EXOC4: variants seen among roughly 807,000 people sequenced by gnomAD.
The protein encoded by EXOC4 is SEC8-like 1.
In EXOC4, 71 loss-of-function variants were observed where a neutral mutation model predicts 107.2. The observed-to-expected ratio is 0.66, with a 90% CI of 0.55 to 0.81. EXOC4 has a LOEUF of 0.81. Ranked by LOEUF, EXOC4 falls within the 30% of genes least tolerant of loss-of-function variation. EXOC4 has a pLI of 0.00. For synonymous variants in EXOC4, 456 were observed against 441.2 expected, an observed-to-expected ratio of 1.03 and a Z score of -0.42; for missense variants, 1,108 against 1,189.6, an observed-to-expected ratio of 0.93 and a Z score of 1.01.
intron 12 of EXOC4, among the ~76,000 whole-genome samples, chr7:133,899,967 G>A (rs1334085088): frequency 4.6e-5 from 7 of 151,934 alleles, no homozygotes; most frequent in South Asian, 4.2e-4. Flanking sequence ...GGCTGGTCTC[G>A]ATCGAATTCC....
At chr7:134,058,461 G>A (rs1181654153) in intron 17 of EXOC4, among the ~76,000 whole-genome samples, 1 of 152,132 alleles carries the variant, frequency 6.6e-6, no homozygotes, top group Non-Finnish European at 1.5e-5. Context: ...GGGGCAAAAA[G>A]GGAAGAAATA....
Position 133,394,730 on chromosome 7 carries a change from A to G in EXOC4, c.1182+19728A>G, listed in dbSNP as rs556412419. 2.0e-5 allele frequency among the ~76,000 whole-genome samples: 3 copies of G among 152,316 alleles called. No individual in the cohort carries two copies. In the South Asian group the frequency reaches 6.2e-4, roughly 32 times the overall value. On this transcript the variant is annotated intron_variant, in intron 7 of 17. Coordinates refer to ENST00000253861, the MANE Select transcript of EXOC4 (RefSeq NM_021807.4). ...TCATATTAATTTTCAGCTTCATTAG[A>G]GATGCAAGAATCAAAAGAGATGTTT...
At chr7:133,857,432 A>G (rs2116319410) in intron 11 of EXOC4, among the ~76,000 whole-genome samples, 1 of 129,660 alleles carries the variant, frequency 7.7e-6, no homozygotes, top group Non-Finnish European at 1.6e-5. Context: ...GTGTCACTTC[A>G]CCAGCCAGAA....
chr7:133,863,468 A>G (rs1431367891), intron 11 of EXOC4, among the ~76,000 whole-genome samples: 1 of 152,202 alleles, frequency 6.6e-6, no homozygotes, highest in African/African-American at 2.4e-5. Flanking sequence ...GTGGTATTTC[A>G]TTATATAAAG....
intron 7 of EXOC4, among the ~76,000 whole-genome samples, chr7:133,390,717 G>A (rs565721763): frequency 4.6e-5 from 7 of 152,270 alleles, no homozygotes; most frequent in African/African-American, 1.7e-4. Context: ...CAGAGAATGT[G>A]GTTAATGGGA....
intron 7 of EXOC4, among the ~76,000 whole-genome samples, chr7:133,462,279 C>T (rs1225937138): frequency 6.6e-6 from 1 of 152,132 alleles, no homozygotes; most frequent in Non-Finnish European, 1.5e-5. Flanking sequence ...TTCCCTGTAA[C>T]CTCAACTTGA....
At chr7:133,309,935 A>G (rs1446265298) in intron 4 of EXOC4, among the ~76,000 whole-genome samples, 1 of 152,172 alleles carries the variant, frequency 6.6e-6, no homozygotes, top group Non-Finnish European at 1.5e-5. Context: ...ACAAGACTCC[A>G]TCTCAAAAAA....
At chr7:133,973,459 G>A (rs1212632967) in intron 14 of EXOC4, among the ~76,000 whole-genome samples, 2 of 152,148 alleles carry the variant, frequency 1.3e-5, no homozygotes, top group Non-Finnish European at 2.9e-5. Context: ...AGGCTATGAA[G>A]TGGAAGAAAA....
chr7:134,047,485 T>C (rs1029543475), intron 17 of EXOC4, among the ~76,000 whole-genome samples: 2 of 152,204 alleles, frequency 1.3e-5, no homozygotes, highest in East Asian at 1.9e-4. Context: ...TGGTTAATTT[T>C]ATCCTATTGT....
intron 7 of EXOC4, 33 bp from the exon 8 acceptor site, chr7:133,475,295 T>C: frequency 1.9e-6 from 3 of 1,547,188 alleles, no homozygotes; most frequent in Non-Finnish European, 2.6e-6. Flanking sequence ...AAAATGTGTA[T>C]ATTAACATTA....
At chr7:133,662,357 G>A (rs1373221146) in intron 10 of EXOC4, among the ~76,000 whole-genome samples, 1 of 152,114 alleles carries the variant, frequency 6.6e-6, no homozygotes, top group Non-Finnish European at 1.5e-5. Context: ...AACCATGCAA[G>A]GGTATTATTT....
intron 12 of EXOC4, among the ~76,000 whole-genome samples, chr7:133,899,745 C>CTTTTTTTT (rs35095963): frequency 4.6e-5 from 4 of 86,232 alleles, no homozygotes; most frequent in Non-Finnish European, 6.2e-5. Flanking sequence ...CAGATGTACT[C>CTTTTTTTT]TTTTTTTTTT....
At chr7:133,995,220 A>G (rs1233413982) in intron 14 of EXOC4, among the ~76,000 whole-genome samples, 1 of 152,208 alleles carries the variant, frequency 6.6e-6, no homozygotes, top group Non-Finnish European at 1.5e-5. Context: ...TTGCCACATG[A>G]TAAAATAATG....
chr7:133,826,763 A>G (rs1243265846), intron 11 of EXOC4, among the ~76,000 whole-genome samples: 3 of 152,178 alleles, frequency 2.0e-5, no homozygotes, highest in Admixed American at 6.5e-5. Context: ...TTCATATATG[A>G]TTAGACAACC....
chr7:133,302,979 A>G (rs1443156025), intron 3 of EXOC4, among the ~76,000 whole-genome samples: 12 of 152,238 alleles, frequency 7.9e-5, no homozygotes, highest in Admixed American at 7.9e-4. Context: ...CGATTATTTT[A>G]TTATTTCTAG....
intron 10 of EXOC4, among the ~76,000 whole-genome samples, chr7:133,655,962 T>G (rs969981143): frequency 6.6e-6 from 1 of 152,182 alleles, no homozygotes; most frequent in African/African-American, 2.4e-5. Flanking sequence ...GTAGGTTTGT[T>G]GACAGCAGCA....
chr7:133,560,558 A>G (rs1403366334), intron 9 of EXOC4, among the ~76,000 whole-genome samples: 1 of 152,206 alleles, frequency 6.6e-6, no homozygotes, highest in African/African-American at 2.4e-5. Flanking sequence ...TGATGGGATT[A>G]TAGGCGTGAG....
chr7:133,737,284 G>A (rs765300333), intron 10 of EXOC4, among the ~76,000 whole-genome samples: 25 of 152,108 alleles, frequency 1.6e-4, no homozygotes, highest in Non-Finnish European at 2.9e-4. Flanking sequence ...TGAAATTCTA[G>A]GCACTTGGTA....
intron 3 of EXOC4, among the ~76,000 whole-genome samples, chr7:133,289,877 G>A (rs1794364610): frequency 6.6e-6 from 1 of 152,202 alleles, no homozygotes; most frequent in Non-Finnish European, 1.5e-5. Context: ...GGAGCTCTGA[G>A]CAGCAGATGG....
Sources: allele counts gnomAD v4.1 joint callset (sites outside exome capture counted in the v4.1 genomes callset), GRCh38; gene constraint gnomAD v4.1.1; transcripts MANE v1.5; gene names NCBI Gene and HGNC (gene_info 2026-07-23, HGNC 2026-07-21).